The following SEMA4D variants were observed in gnomAD, a reference collection of about 807,000 sequenced individuals.
The protein encoded by SEMA4D is semaphorin 4D, also known as semaphorin-4D.
A neutral mutation model predicts 74.8 loss-of-function variants in SEMA4D; 22 were observed. The ratio of observed to expected loss-of-function variants is 0.29; its 90% confidence interval spans 0.21 to 0.42. The LOEUF (loss-of-function observed/expected upper bound fraction) is 0.42. Ranked by LOEUF, SEMA4D falls within the 10% of genes least tolerant of loss-of-function variation. The pLI is 1.00. For missense variants in SEMA4D, 937 were observed against 1,118.4 expected (o/e 0.84, Z 2.31); for synonymous variants, 445 against 463.7 (o/e 0.96, Z 0.52).
downstream of SEMA4D, among the ~76,000 whole-genome samples, chr9:89,372,279 T>G (rs1430004115): frequency 1.1e-3 from 96 of 84,698 alleles, no homozygotes; most frequent in African/African-American, 4.3e-3. Flanking sequence ...GTGTGGTGTG[T>G]GTCGGGGGTG....
chr9:89,404,917 TG>T (rs1161761139), intron 3 of SEMA4D, among the ~76,000 whole-genome samples: 1 of 119,408 alleles, frequency 8.4e-6, no homozygotes, highest in Non-Finnish European at 1.6e-5. Context: ...TCCCAGGAAT[TG>T]GGGTCCCCAT....
intron 2 of SEMA4D, among the ~76,000 whole-genome samples, chr9:89,455,572 T>G (rs1326998010): frequency 6.6e-6 from 1 of 152,154 alleles, no homozygotes; most frequent in African/African-American, 2.4e-5. Flanking sequence ...AAGCTGGTGC[T>G]GAGGCTGGGT....
intron 2 of SEMA4D, among the ~76,000 whole-genome samples, chr9:89,409,683 G>A (rs2133883592): frequency 6.6e-6 from 1 of 152,278 alleles, no homozygotes; most frequent in Non-Finnish European, 1.5e-5. Flanking sequence ...GGAAGTAAGT[G>A]CCCACACCGG....
At chr9:89,479,420 C>T (rs924925762) in intron 1 of SEMA4D, among the ~76,000 whole-genome samples, 138 of 152,332 alleles carry the variant, frequency 9.1e-4, no homozygotes, top group African/African-American at 3.2e-3. Context: ...GTTACTTCAA[C>T]ACCTCAGCCC....
chr9:89,401,815 G>C (rs904270322), intron 4 of SEMA4D, among the ~76,000 whole-genome samples: 10 of 152,096 alleles, frequency 6.6e-5, no homozygotes, highest in Non-Finnish European at 1.3e-4. Flanking sequence ...GCTGGTGATG[G>C]GCACTTCCCC....
At chr9:89,451,758 T>C (rs1418699298) in intron 2 of SEMA4D, among the ~76,000 whole-genome samples, 1 of 147,408 alleles carries the variant, frequency 6.8e-6, no homozygotes, top group African/African-American at 2.4e-5. Flanking sequence ...AATTTGGATT[T>C]GCTCATTTAA....
At chr9:89,451,393 T>C (rs1157938776) in intron 2 of SEMA4D, among the ~76,000 whole-genome samples, 1 of 152,236 alleles carries the variant, frequency 6.6e-6, no homozygotes, top group East Asian at 1.9e-4. Flanking sequence ...TTCTTCCATT[T>C]TCACAAAGCT....
intron 2 of SEMA4D, among the ~76,000 whole-genome samples, chr9:89,429,092 C>T (rs1848704285): frequency 6.6e-6 from 1 of 152,226 alleles, no homozygotes; most frequent in South Asian, 2.1e-4. Context: ...CAAGCACAGC[C>T]CCCAGCTCCT....
At chr9:89,485,815 G>GA (rs55817561) in intron 1 of SEMA4D, among the ~76,000 whole-genome samples, 14 of 80,312 alleles carry the variant, frequency 1.7e-4, no homozygotes, top group East Asian at 1.1e-3. Context: ...AAAAAAAAAA[G>GA]AAAAAAAAAA....
intron 2 of SEMA4D, chr9:89,436,589 C>G (rs4877090): frequency 0.98 from 149,050 of 152,622 alleles, 72,894 homozygotes; most frequent in Non-Finnish European, 1. Flanking sequence ...TGTGGAACAA[C>G]CCTGTCCCAT....
intron 16 of SEMA4D, chr9:89,363,993 A>G: frequency 6.2e-7 from 1 of 1,613,788 alleles, no homozygotes; most frequent in East Asian, 2.2e-5. Flanking sequence ...CACATTTAGG[A>G]CCCAAAGAAG....
At chr9:89,399,459 T>A in intron 4 of SEMA4D, 121 bp from the exon 5 acceptor site, 2 of 745,684 alleles carry the variant, frequency 2.7e-6, no homozygotes. Context: ...AGATGATCAA[T>A]TCTCAGACTG....
At chr9:89,443,241 G>C (rs931900046) in intron 2 of SEMA4D, among the ~76,000 whole-genome samples, 1 of 152,178 alleles carries the variant, frequency 6.6e-6, no homozygotes, top group Non-Finnish European at 1.5e-5. Flanking sequence ...GCCGGGTCGC[G>C]AGGTGCTCTG....
intron 1 of SEMA4D, among the ~76,000 whole-genome samples, chr9:89,464,172 T>C (rs934238827): frequency 5.9e-5 from 9 of 152,192 alleles, no homozygotes; most frequent in African/African-American, 2.2e-4. Flanking sequence ...TTTCTTCCTC[T>C]CTTCTCTCAG....
rs529581562 is a variant in SEMA4D at position 89,471,194 on chromosome 9, C to T, written c.-309-15241G>A. Among the ~76,000 whole-genome samples, 10 of 152,208 alleles carry T rather than the reference C, an allele frequency of 6.6e-5. No homozygotes were observed. The South Asian group carries it at 1.7e-3, about 25-fold the overall frequency. ...AGGTCCCTAGAGTAGTCAGTCACAGCGACAGAAAGGGGAATCAGGGCTGGG... is the reference window on the plus strand; with the variant it reads ...AGGTCCCTAGAGTAGTCAGTCACAGTGACAGAAAGGGGAATCAGGGCTGGG... On this transcript the variant is annotated intron_variant, in intron 1 of 15. Transcript: ENST00000422704.
chr9:89,395,640 G>A (rs2133347156), intron 6 of SEMA4D, among the ~76,000 whole-genome samples: 1 of 152,250 alleles, frequency 6.6e-6, no homozygotes, highest in African/African-American at 2.4e-5. Flanking sequence ...GACTGTCTTT[G>A]AGGACTGAGG....
chr9:89,498,058 G>A lies in SEMA4D; in HGVS notation c.-449C>T, dbSNP rs940788735. On this transcript the variant is annotated 5_prime_UTR_variant, in exon 1 of 16. Coordinates refer to ENST00000422704, the MANE Select transcript of SEMA4D (RefSeq NM_001371194.2). ...GCGGGGAGGCCCGGCGGCGGCAGCG[G>A]CGGCTGGGATGCTGCGGCGCGCGAG... The A allele has an allele frequency of 1.3e-5, 2 of 148,444 alleles. No individual in the cohort carries two copies. The highest frequency in any genetic ancestry group is 1.3e-4 in the Admixed American group (2 of 14,868). The allele number at this position is 148,444 out of a possible 1,614,324, so 9.2% of individuals were successfully genotyped here. A position where few individuals can be genotyped will look rare whatever the true frequency, so the allele number is the denominator to read the frequency against.
At chr9:89,445,832 C>T (rs569015296) in intron 2 of SEMA4D, among the ~76,000 whole-genome samples, 2 of 152,250 alleles carry the variant, frequency 1.3e-5, no homozygotes, top group East Asian at 1.9e-4. Context: ...CTACTTTGCA[C>T]GCCATACCCA....
intron 1 of SEMA4D, among the ~76,000 whole-genome samples, chr9:89,469,909 A>T (rs1363203165): frequency 6.6e-6 from 1 of 152,236 alleles, no homozygotes; most frequent in Non-Finnish European, 1.5e-5. Flanking sequence ...CTAAAGAAAC[A>T]GGGCAAGAAA....
Sources: allele counts gnomAD v4.1 joint callset (sites outside exome capture counted in the v4.1 genomes callset), GRCh38; gene constraint gnomAD v4.1.1; transcripts MANE v1.5; gene names NCBI Gene and HGNC (gene_info 2026-07-23, HGNC 2026-07-21).